Variants in KRTAP4-9 observed in about 807,000 individuals in gnomAD.
KRTAP4-9 encodes keratin associated protein 4-9.
In KRTAP4-9, 4 loss-of-function variants were observed where a neutral mutation model predicts 4.3. The ratio of observed to expected loss-of-function variants is 0.94; its 90% CI spans 0.46 to 2.15. The LOEUF (loss-of-function observed/expected upper bound fraction) is 2.15. Ranked by LOEUF, KRTAP4-9 falls within the 30% of genes most tolerant of loss-of-function variation. The pLI is 0.02. For synonymous variants in KRTAP4-9, 111 were observed against 99.2 expected (o/e 1.12, Z -0.70); for missense variants, 297 against 278.5 (o/e 1.07, Z -0.47).
chr17:41,105,426 A>G (rs749285485), exon 1 of KRTAP4-9: 2 of 1,612,344 alleles, frequency 1.2e-6, no homozygotes, highest in South Asian at 1.1e-5. Flanking sequence ...TGCTCTGACC[A>G]GGGCTGCGGC....
At chr17:41,105,960 G>A (rs756953992) in exon 1 of KRTAP4-9, 17 of 1,603,060 alleles carry the variant, frequency 1.1e-5, no homozygotes, top group Middle Eastern at 1.6e-4. Context: ...ACTTGCTATC[G>A]CCCAACCTGT....
At chr17:41,106,195 A>T (rs886066895) in exon 1 of KRTAP4-9, 28 of 1,185,832 alleles carry the variant, frequency 2.4e-5, no homozygotes, top group Admixed American at 3.1e-5. Flanking sequence ...ATTCTGATTC[A>T]TTTTAAACTC....
exon 1 of KRTAP4-9, chr17:41,106,379 G>T (rs767930170): frequency 1.1e-5 from 4 of 359,886 alleles, no homozygotes; most frequent in Middle Eastern, 7.7e-4. Flanking sequence ...TTGTCACTGA[G>T]GTTGCACCCT....
At chr17:41,105,878 T>A in exon 1 of KRTAP4-9, 1 of 1,532,076 alleles carries the variant, frequency 6.5e-7, no homozygotes, top group East Asian at 3.1e-5. Context: ...CCGCCCCTCT[T>A]GCTGTGAATC....
exon 1 of KRTAP4-9, chr17:41,105,464 C>G: frequency 1.0e-5 from 16 of 1,603,196 alleles, no homozygotes; most frequent in Admixed American, 5.0e-5. Context: ...GACCTGCTGC[C>G]GCCCCAGCTG....
chr17:41,106,078 C>T (rs1270925356), exon 1 of KRTAP4-9: 158 of 1,518,730 alleles, frequency 1.0e-4, no homozygotes, highest in Non-Finnish European at 1.4e-4. Context: ...GTAGACCCTT[C>T]TACTGTGCTG....
chr17:41,106,304 T>C lies in KRTAP4-9; in HGVS notation c.*283T>C, dbSNP rs1385837713. The C allele has an allele frequency of 6.7e-6, 4 of 596,248 alleles. No homozygotes were observed. The Admixed American group carries it at 1.4e-4, about 22-fold the overall frequency. 36.9% of individuals were successfully genotyped at this position (596,248 alleles called of 1,614,324 possible). Reference sequence around the variant, plus strand: ...ATTCCAATCCTCTAATTTCCTCATTTTCTTTATCACTTTGAGGTACAGATC... The same window carrying C: ...ATTCCAATCCTCTAATTTCCTCATTCTCTTTATCACTTTGAGGTACAGATC... On this transcript the variant is annotated 3_prime_UTR_variant, in exon 1 of 1. Transcript: ENST00000391415.
exon 1 of KRTAP4-9, chr17:41,105,880 C>T (rs1172192225): frequency 1.3e-6 from 2 of 1,531,640 alleles, no homozygotes; most frequent in South Asian, 2.3e-5. Context: ...GCCCCTCTTG[C>T]TGTGAATCCA....
chr17:41,105,589 C>T lies in KRTAP4-9; in HGVS notation c.201C>T (p.Pro67=), dbSNP rs542844719. The T allele has an allele frequency of 6.1e-4, 956 of 1,568,748 alleles. 18 individuals carry two copies. In the South Asian group the frequency reaches 0.01, roughly 17 times the overall value. ...GCTGCCAACCCACTTGTTCCCGCCC[C>T]AGCTGCTGTCAGACCACCTGTTGCA... The change falls in exon 1 of 1, where the codon CCC becomes CCT. Residue 67 remains proline (P), a synonymous_variant. Transcript: ENST00000391415.
rs142970341 is a variant in KRTAP4-9, at chr17:41,105,693, C to A, written c.305C>A (p.Pro102His). The change falls in exon 1 of 1, where the codon CCC (proline) becomes CAC (histidine). Residue 102 changes from proline (P) to histidine (H), a missense_variant. Pro to His is a moderately conservative substitution (Grantham distance 77). Coordinates refer to ENST00000391415, the Ensembl canonical transcript of KRTAP4-9. ...TGCTGCCAGCCTGCGTGCTGCCAAC[C>A]CACTTGCTGTCGCCCCAGCTGCTGT... 2.2e-3 allele frequency: 3,501 copies of A among 1,570,128 alleles called. 218 individuals are homozygous for A. In the African/African-American group the frequency reaches 0.043, roughly 19 times the overall value.
chr17:41,105,664 C>T, exon 1 of KRTAP4-9: 1 of 1,565,818 alleles, frequency 6.4e-7, no homozygotes, highest in South Asian at 1.2e-5. Context: ...GCTGCAGGCC[C>T]CAGTGCTGCC....
chr17:41,105,900 G>A lies in KRTAP4-9; in HGVS notation c.512G>A (p.Arg171His), dbSNP rs758122200. The stretch of plus-strand genomic sequence containing the variant: ...TCTTGCTGTGAATCCAGCTGCTGCC[G>A]CCCCTGCTGCTGCGTGCGTCCAGTC... The change falls in exon 1 of 1, where the codon CGC becomes CAC. Residue 171 changes from arginine to histidine, a missense_variant. Transcript: ENST00000391415. The A allele has an allele frequency of 3.2e-5, 52 of 1,607,750 alleles. No individual in the cohort carries two copies. The highest frequency in any genetic ancestry group is 1.6e-4 in the Middle Eastern group (1 of 6,066).
chr17:41,106,381 T>G (rs2014092912), exon 1 of KRTAP4-9: 1 of 354,124 alleles, frequency 2.8e-6, no homozygotes, highest in South Asian at 6.5e-5. Flanking sequence ...GTCACTGAGG[T>G]TGCACCCTCA....
At chr17:41,106,190 G>C in exon 1 of KRTAP4-9, 1 of 1,241,040 alleles carries the variant, frequency 8.1e-7, no homozygotes. Context: ...AGAACATTCT[G>C]ATTCATTTTA....
At chr17:41,106,409 A>G (rs2014093565) in exon 1 of KRTAP4-9, 1 of 281,678 alleles carries the variant, frequency 3.6e-6, no homozygotes, top group Non-Finnish European at 7.0e-6. Flanking sequence ...CCGCCCAGTT[A>G]TATTCTGTGT....
exon 1 of KRTAP4-9, chr17:41,106,221 T>C: frequency 2.0e-6 from 2 of 1,007,996 alleles, no homozygotes; most frequent in Non-Finnish European, 2.8e-6. Flanking sequence ...CTTGCTTTCT[T>C]TTTCTTCCGG....
At chr17:41,106,134 G>A in exon 1 of KRTAP4-9, 16 of 1,442,012 alleles carry the variant, frequency 1.1e-5, no homozygotes, top group Non-Finnish European at 1.5e-5. Context: ...CAATAGAATG[G>A]AACTCATGTT....
chr17:41,106,283 C>T, exon 1 of KRTAP4-9: 1 of 636,046 alleles, frequency 1.6e-6, no homozygotes, highest in Non-Finnish European at 2.6e-6. Context: ...GAAATTATTC[C>T]AATCCTCTAA....
exon 1 of KRTAP4-9, chr17:41,105,477 G>A (rs778779164): frequency 6.2e-7 from 1 of 1,604,354 alleles, no homozygotes; most frequent in Non-Finnish European, 8.5e-7. Flanking sequence ...CCCAGCTGCT[G>A]TGAGACCACC....
Sources: gnomAD v4.1 joint callset for allele counts on GRCh38, gnomAD v4.1.1 for gene constraint, MANE v1.5 for transcripts, NCBI Gene and HGNC (gene_info 2026-07-23, HGNC 2026-07-21) for gene names.